CNTN5: variants seen among roughly 807,000 people sequenced by gnomAD.
CNTN5 encodes the protein contactin 5.
CNTN5 carries 77 observed loss-of-function variants against 129.1 expected under a neutral mutation model. The ratio of observed to expected loss-of-function variants is 0.60; its 90% CI spans 0.50 to 0.72. CNTN5 has a LOEUF of 0.72. Among genes scored for constraint, CNTN5 ranks in the 30% least tolerant of loss-of-function variants. The pLI is 0.00. For missense variants in CNTN5, 1,478 were observed against 1,328.8 expected, an observed-to-expected ratio of 1.11 and a Z score of -1.75; for synonymous variants, 509 against 465.6, an observed-to-expected ratio of 1.09 and a Z score of -1.20.
At position 100,285,759 on chromosome 11, in the gene CNTN5, T is replaced by C. The variant is rs897431957; in HGVS notation, c.2315-11866T>C. ...AAGGAAAAATACTGAGGAGCCAAGA[T>C]GGCCGAATAGGAACAGCTCCGGTCT... On this transcript the variant is annotated intron_variant, in intron 18 of 24. Coordinates refer to ENST00000524871, the MANE Select transcript of CNTN5 (RefSeq NM_014361.4). Among the ~76,000 whole-genome samples the C allele has an allele frequency of 4.6e-5, 7 of 152,324 alleles. No individual in the cohort carries two copies. The East Asian group carries it at 1.2e-3, about 25-fold the overall frequency.
At chr11:99,141,610 C>A (rs1253700228) in intron 1 of CNTN5, among the ~76,000 whole-genome samples, 1 of 152,004 alleles carries the variant, frequency 6.6e-6, no homozygotes, top group South Asian at 2.1e-4. Flanking sequence ...AATTTGAGAT[C>A]TTTATAAATT....
chr11:99,812,758 G>A (rs559475920), intron 3 of CNTN5, among the ~76,000 whole-genome samples: 9 of 152,044 alleles, frequency 5.9e-5, no homozygotes, highest in Non-Finnish European at 7.4e-5. Context: ...AGTAAAATGC[G>A]TGGCCAAGAT....
intron 13 of CNTN5, among the ~76,000 whole-genome samples, chr11:100,112,704 T>G (rs1289558807): frequency 6.6e-6 from 1 of 152,174 alleles, no homozygotes; most frequent in Non-Finnish European, 1.5e-5. Context: ...TACTTGAAAT[T>G]GTTCAGCTCA....
At chr11:99,293,786 T>C (rs1864270485) in intron 1 of CNTN5, among the ~76,000 whole-genome samples, 1 of 152,090 alleles carries the variant, frequency 6.6e-6, no homozygotes, top group Admixed American at 6.5e-5. Context: ...ACTCTGATTT[T>C]ATTTATTTGG....
intron 3 of CNTN5, among the ~76,000 whole-genome samples, chr11:99,629,087 A>T (rs1056883336): frequency 6.6e-6 from 1 of 152,034 alleles, no homozygotes; most frequent in Non-Finnish European, 1.5e-5. Context: ...AAAAACAATA[A>T]ATATGTTGGG....
At chr11:99,523,080 T>C (rs958563615) in intron 2 of CNTN5, among the ~76,000 whole-genome samples, 1 of 152,220 alleles carries the variant, frequency 6.6e-6, no homozygotes, top group African/African-American at 2.4e-5. Flanking sequence ...ATTATCTACA[T>C]TCTATCAAGC....
At chr11:99,891,730 T>C (rs1949065293) in intron 6 of CNTN5, among the ~76,000 whole-genome samples, 1 of 152,354 alleles carries the variant, frequency 6.6e-6, no homozygotes, top group Admixed American at 6.5e-5. Flanking sequence ...CAGTCTATCA[T>C]TGATGGGCAT....
chr11:99,801,308 T>C (rs532655424), intron 3 of CNTN5, among the ~76,000 whole-genome samples: 1 of 152,314 alleles, frequency 6.6e-6, no homozygotes, highest in East Asian at 1.9e-4. Context: ...CTGCAGTTAA[T>C]CTGATGAGGT....
At chr11:99,178,993 T>C (rs1016139400) in intron 1 of CNTN5, among the ~76,000 whole-genome samples, 1 of 152,132 alleles carries the variant, frequency 6.6e-6, no homozygotes, top group African/African-American at 2.4e-5. Flanking sequence ...CACAGAGATA[T>C]ACACACATAA....
intron 13 of CNTN5, among the ~76,000 whole-genome samples, chr11:100,167,129 C>G (rs943966657): frequency 6.6e-6 from 1 of 151,646 alleles, no homozygotes; most frequent in African/African-American, 2.4e-5. Flanking sequence ...GCCACAACTT[C>G]CAAACCCCGC....
chr11:99,252,682 G>A (rs1021064711), intron 1 of CNTN5, among the ~76,000 whole-genome samples: 4 of 151,818 alleles, frequency 2.6e-5, no homozygotes, highest in East Asian at 1.9e-4. Flanking sequence ...AGTTTAATTC[G>A]CTAGTTACTA....
intron 2 of CNTN5, among the ~76,000 whole-genome samples, chr11:99,411,654 A>C (rs190825618): frequency 1.3e-5 from 2 of 152,280 alleles, no homozygotes; most frequent in Non-Finnish European, 2.9e-5. Context: ...TCTTAATTTG[A>C]CTGTTTCTAC....
intron 2 of CNTN5, among the ~76,000 whole-genome samples, chr11:99,343,766 G>A (rs935815251): frequency 2.0e-5 from 3 of 151,966 alleles, no homozygotes; most frequent in Admixed American, 6.6e-5. Context: ...ACCACATTTC[G>A]ACCTACAAAA....
chr11:99,683,294 A>C (rs1474020648), intron 3 of CNTN5, among the ~76,000 whole-genome samples: 1 of 151,822 alleles, frequency 6.6e-6, no homozygotes, highest in Non-Finnish European at 1.5e-5. Context: ...TTTTTCATCT[A>C]GTCTCCACCT....
rs543196040 is a variant in CNTN5, at chr11:99,229,607, A to T, written c.-209-95739A>T. On this transcript the variant is annotated intron_variant, in intron 1 of 24. Transcript: ENST00000524871. ...AAACACAGTTTATTTCCAGGAAAGA[A>T]GCCGTAATTGTTACTCAGAACACAT... Among the ~76,000 whole-genome samples the T allele has an allele frequency of 1.5e-4, 23 of 152,096 alleles. 1 individual carries two copies. The South Asian group carries it at 4.8e-3, about 32-fold the overall frequency.
intron 18 of CNTN5, among the ~76,000 whole-genome samples, chr11:100,271,498 A>T (rs978915838): frequency 6.6e-6 from 1 of 152,246 alleles, no homozygotes; most frequent in African/African-American, 2.4e-5. Flanking sequence ...TCTTCAGGTT[A>T]CCATGAAATT....
At chr11:99,027,490 TA>T (rs1418383820) in intron 1 of CNTN5, among the ~76,000 whole-genome samples, 8 of 151,826 alleles carry the variant, frequency 5.3e-5, no homozygotes, top group African/African-American at 1.9e-4. Context: ...TGTCAACTTG[TA>T]TATAAATTCT....
intron 1 of CNTN5, among the ~76,000 whole-genome samples, chr11:99,222,441 T>C (rs2135705806): frequency 6.6e-6 from 1 of 152,176 alleles, no homozygotes; most frequent in East Asian, 1.9e-4. Flanking sequence ...AAACTTTCTT[T>C]GATATGGAAA....
At chr11:99,202,860 C>T (rs1859278847) in intron 1 of CNTN5, among the ~76,000 whole-genome samples, 1 of 151,638 alleles carries the variant, frequency 6.6e-6, no homozygotes, top group African/African-American at 2.4e-5. Flanking sequence ...CCTTTTCTAA[C>T]TGCCCATATG....
Sources: gnomAD v4.1 joint callset for allele counts (sites outside exome capture counted in the v4.1 genomes callset) on GRCh38, gnomAD v4.1.1 for gene constraint, MANE v1.5 for transcripts, NCBI Gene and HGNC (gene_info 2026-07-23, HGNC 2026-07-21) for gene names.